ZNF541: variants seen among roughly 807,000 people sequenced by gnomAD.
ZNF541 encodes the protein zinc finger protein 541.
A neutral mutation model predicts 123.5 loss-of-function variants in ZNF541; 23 were observed. That is an observed-to-expected ratio of 0.19 (90% confidence interval 0.13 to 0.26). The LOEUF (loss-of-function observed/expected upper bound fraction) is 0.26, where lower values mean the gene tolerates loss of function less well. ZNF541 is among the 10% of genes least tolerant of loss of function. The probability of loss-of-function intolerance (pLI) is 1.00; values close to 1 mark genes in which losing one functional copy is unlikely to be tolerated. For synonymous variants in ZNF541, 751 were observed against 754.5 expected (o/e 1.00, Z 0.08); for missense variants, 1,612 against 1,789.9 (o/e 0.90, Z 1.79).
At chr19:47,562,543 CA>C (rs950620085) in intron 2 of ZNF541, among the ~76,000 whole-genome samples, 72 of 151,302 alleles carry the variant, frequency 4.8e-4, no homozygotes, top group African/African-American at 1.6e-3. Flanking sequence ...GACTCCATTT[CA>C]AAAAAAACTA....
At chr19:47,527,987 C>G (rs1454729629) in intron 14 of ZNF541, among the ~76,000 whole-genome samples, 3 of 148,844 alleles carry the variant, frequency 2.0e-5, no homozygotes, top group African/African-American at 4.9e-5. Flanking sequence ...GCATAAACCA[C>G]CACGCCAGGC....
chr19:47,557,413 T>C (rs1193911678), intron 2 of ZNF541, among the ~76,000 whole-genome samples: 1 of 150,718 alleles, frequency 6.6e-6, no homozygotes, highest in Non-Finnish European at 1.5e-5. Flanking sequence ...ATTCTACAAG[T>C]CTACAAAAGA....
intron 1 of ZNF541, among the ~76,000 whole-genome samples, chr19:47,572,711 T>G (rs1455748938): frequency 8.7e-6 from 1 of 114,928 alleles, no homozygotes. Context: ...GGTGGGGAGG[T>G]CGGGTAGGGC....
At chr19:47,558,632 C>T (rs1234914931) in intron 2 of ZNF541, among the ~76,000 whole-genome samples, 7 of 150,356 alleles carry the variant, frequency 4.7e-5, no homozygotes, top group Admixed American at 2.7e-4. Context: ...TTCGCTCTGT[C>T]GCCCAGGCTG....
chr19:47,551,804 G>C (rs1970611890), intron 3 of ZNF541, among the ~76,000 whole-genome samples: 1 of 152,148 alleles, frequency 6.6e-6, no homozygotes. Context: ...AAAGTGCTGG[G>C]ATTACAGGCG....
At chr19:47,552,742 CA>C (rs573248609) in intron 3 of ZNF541, among the ~76,000 whole-genome samples, 77 of 26,114 alleles carry the variant, frequency 2.9e-3, no homozygotes, top group South Asian at 0.012. Context: ...GACTCCATCT[CA>C]AAAAAAAAAA....
intron 14 of ZNF541, among the ~76,000 whole-genome samples, chr19:47,528,040 C>T (rs1375162684): frequency 1.5e-5 from 2 of 129,944 alleles, no homozygotes; most frequent in East Asian, 2.6e-4. Flanking sequence ...CTGGGCCGGG[C>T]GCCGTGGCTC....
intron 2 of ZNF541, among the ~76,000 whole-genome samples, chr19:47,571,454 T>C (rs1971475531): frequency 6.6e-6 from 1 of 152,192 alleles, no homozygotes; most frequent in Non-Finnish European, 1.5e-5. Context: ...CATTTAAAAA[T>C]CAGAAGGTTT....
At chr19:47,536,252 G>A (rs1969816151) in intron 9 of ZNF541, among the ~76,000 whole-genome samples, 1 of 152,188 alleles carries the variant, frequency 6.6e-6, no homozygotes, top group South Asian at 2.1e-4. Flanking sequence ...TCACAGTGCT[G>A]CAGAGATTTT....
chr19:47,530,055 T>C lies in ZNF541; in HGVS notation c.3406-403A>G, dbSNP rs151140612. ...AAACATTTTATTTTTAAAGATGAGG[T>C]CTCACTATGTTGTCCAGGCTGAGCT... On this transcript the variant is annotated intron_variant, in intron 12 of 16. Coordinates refer to ENST00000391901, the MANE Select transcript of ZNF541 (RefSeq NM_001277075.3). Among the ~76,000 whole-genome samples the C allele has an allele frequency of 6.0e-3, 910 of 152,266 alleles. 8 individuals are homozygous for C. Among genetic ancestry groups the C allele is most frequent in the African/African-American group, 0.021 (866 of 41,554 alleles).
rs1224325813 is a variant in ZNF541, at chr19:47,549,428, G to A, written c.365C>T (p.Ser122Leu). The A allele has an allele frequency of 3.2e-6, 5 of 1,551,552 alleles. No individual in the cohort carries two copies. The highest frequency in any genetic ancestry group is 2.4e-5 in the South Asian group (2 of 84,068). ...KEADEGGRAT[S>L]GSARKGKRQH... ...CCGCTTTCCTTTCCTGGCACTCCCC[G>A]AGGTGGCCCTTCCTCCTTCGTCAGC... Residue 122 changes from serine (S) to leucine (L), a missense_variant, in exon 4 of 17, where the codon TCG becomes TTG. Ser to Leu is a moderately radical substitution (Grantham distance 145). Transcript: ENST00000391901.
Position 47,532,969 on chromosome 19 carries a change from T to C in ZNF541, c.3098A>G (p.Gln1033Arg). The change falls in exon 10 of 17, where the codon CAA becomes CGA. Residue 1033 changes from glutamine to arginine, a missense_variant. Transcript: ENST00000391901. The stretch of plus-strand genomic sequence containing the variant: ...ACAGATGCCAAAGGACCCATCCACT[T>C]GATCTAGAAAGCACAGAGTGAAAAG... ...PDQLISSMLDQVDGSFGICVV... is the reference protein window; with the variant it reads ...PDQLISSMLDRVDGSFGICVV... 1 of 1,549,348 alleles carries C rather than the reference T, an allele frequency of 6.5e-7. No homozygotes were observed. Among genetic ancestry groups the C allele is most frequent in the Non-Finnish European group, 8.7e-7 (1 of 1,145,784 alleles).
chr19:47,568,242 T>C (rs1453139686), intron 2 of ZNF541, among the ~76,000 whole-genome samples: 3 of 152,164 alleles, frequency 2.0e-5, no homozygotes, highest in Non-Finnish European at 4.4e-5. Context: ...CCTGCATCCA[T>C]GTTACCAGGG....
intron 2 of ZNF541, among the ~76,000 whole-genome samples, chr19:47,564,241 A>G (rs1423297865): frequency 6.6e-6 from 1 of 152,140 alleles, no homozygotes; most frequent in Non-Finnish European, 1.5e-5. Context: ...CCTGCTTTCC[A>G]ATATACTCCC....
intron 2 of ZNF541, among the ~76,000 whole-genome samples, chr19:47,564,798 T>G (rs1237846716): frequency 2.6e-5 from 4 of 152,188 alleles, no homozygotes; most frequent in African/African-American, 9.7e-5. Context: ...TCCAGCAATC[T>G]CACTCCTGGG....
Position 47,544,698 on chromosome 19 carries a change from G to A in ZNF541, c.1831C>T (p.Leu611Phe). The A allele has an allele frequency of 2.6e-6, 4 of 1,518,786 alleles. No individual in the cohort carries two copies. The highest frequency in any genetic ancestry group is 2.6e-6 in the Non-Finnish European group (3 of 1,135,560). The allele number at this position is 1,518,786 out of a possible 1,614,324, so 94.1% of individuals were successfully genotyped here. The change falls in exon 5 of 17, where the codon CTC (leucine) becomes TTC (phenylalanine). Residue 611 changes from leucine (L) to phenylalanine (F), a missense_variant. Physicochemically the swap from Leu to Phe is conservative, Grantham distance 22 (BLOSUM62 0). Transcript: ENST00000391901. ...TCGGGGTTTCCAGGGCCGGCGTGGA[G>A]AGAGTCCACAGCAGGAGCCAGTGGT... ...PPPLAPAVDS[L>F]HAGPGNPEAE... is the part of the protein sequence containing the mutation.
chr19:47,558,062 A>G (rs1416015209), intron 2 of ZNF541, among the ~76,000 whole-genome samples: 1 of 152,158 alleles, frequency 6.6e-6, no homozygotes, highest in East Asian at 1.9e-4. Flanking sequence ...TAGTACTGCA[A>G]CTAGGAATTA....
chr19:47,534,678 C>T (rs1969735528), intron 9 of ZNF541, among the ~76,000 whole-genome samples: 1 of 150,742 alleles, frequency 6.6e-6, no homozygotes, highest in Admixed American at 6.6e-5. Flanking sequence ...CCCCCCAAAA[C>T]AAAAAAACAA....
chr19:47,564,035 T>C (rs1471753946), intron 2 of ZNF541, among the ~76,000 whole-genome samples: 6 of 152,194 alleles, frequency 3.9e-5, no homozygotes, highest in African/African-American at 1.4e-4. Context: ...GAGAGACTAA[T>C]TTGTCCAAAG....
Sources: gnomAD v4.1 joint callset for allele counts (sites outside exome capture counted in the v4.1 genomes callset) on GRCh38, gnomAD v4.1.1 for gene constraint, MANE v1.5 for transcripts, NCBI Gene and HGNC (gene_info 2026-07-23, HGNC 2026-07-21) for gene names.